The following TRARG1 variants were observed in gnomAD, a reference collection of about 807,000 sequenced individuals.
The protein encoded by TRARG1 is trafficking regulator of GLUT4 (SLC2A4) 1 (gene/pseudogene), also known as trafficking regulator of GLUT4 1.
A neutral mutation model predicts 13.3 loss-of-function variants in TRARG1; 16 were observed. The observed-to-expected ratio is 1.20, with a 90% CI of 0.81 to 1.83. TRARG1 has a LOEUF of 1.83. Among genes scored for constraint, TRARG1 ranks in the 40% most tolerant of loss-of-function variants. The pLI is 0.00. For missense variants in TRARG1, 250 were observed against 237.4 expected (o/e 1.05, Z -0.35); for synonymous variants, 113 against 106.2 (o/e 1.06, Z -0.39).
At chr17:1,289,977 T>C (rs1195143066) in intron 1 of TRARG1, among the ~76,000 whole-genome samples, 1 of 151,730 alleles carries the variant, frequency 6.6e-6, no homozygotes, top group African/African-American at 2.4e-5. Context: ...CGGAATCGTC[T>C]GAATCATGTT....
At position 1,279,920 on chromosome 17, in the gene TRARG1, G is replaced by A; in HGVS notation, c.-82G>A. 6.7e-7 allele frequency: 1 copy of A among 1,497,160 alleles called. No homozygotes were observed. The highest frequency in any genetic ancestry group is 8.9e-7 in the Non-Finnish European group (1 of 1,117,394). The allele number at this position is 1,497,160 out of a possible 1,614,324, so 92.7% of individuals were successfully genotyped here. A position where few individuals can be genotyped will look rare whatever the true frequency, so the allele number is the denominator to read the frequency against. ...CCCCCGACCTGGAGGCCCTCAGTCT[G>A]GGCTGGGGAATGGCGCGCTGAGGTC... On this transcript the variant is annotated 5_prime_UTR_variant, in exon 1 of 3. Transcript: ENST00000333813.
At chr17:1,288,636 GTT>G in intron 1 of TRARG1, among the ~76,000 whole-genome samples, 1 of 44,228 alleles carries the variant, frequency 2.3e-5, no homozygotes. Flanking sequence ...TCCCCCATGG[GTT>G]CCCCATCCCC....
At chr17:1,286,709 TGGGTGTTGTTTTCGGCCTGC>T (rs1451743429) in intron 1 of TRARG1, among the ~76,000 whole-genome samples, 4 of 124,324 alleles carry the variant, frequency 3.2e-5, no homozygotes, top group East Asian at 5.0e-4. Context: ...TGTTGGCCTG[TGGGTGTTGTTTTCGGCCTGC>T]GGGTGTTGTT....
chr17:1,295,531 G>C lies in TRARG1; in HGVS notation c.428G>C (p.Arg143Pro), dbSNP rs746411798. 6.2e-7 allele frequency: 1 copy of C among 1,612,330 alleles called. No homozygotes were observed. Among genetic ancestry groups the C allele is most frequent in the East Asian group, 2.2e-5 (1 of 44,788 alleles). The change falls in exon 2 of 3, where the codon CGG becomes CCG. Residue 143 changes from arginine (R) to proline (P), a missense_variant. Transcript: ENST00000333813. The stretch of plus-strand genomic sequence containing the variant: ...CAACAGGGCAACGTGGACGGCGCCC[G>C]GAGGCTGGGCCGCCTGGCTCGGCTG... ...SMQQGNVDGA[R>P]RLGRLARLLS...
Position 1,280,324 on chromosome 17 carries a change from C to T in TRARG1, c.323C>T (p.Ala108Val). ...GCCCCCAGAGATTACCTCATCCTGG[C>T]CGTCGTCGCCTGCTTCTGCCCCGTC... ...QEAPRDYLIL[A>V]VVACFCPVWP... Residue 108 changes from alanine (A) to valine (V), a missense_variant, in exon 1 of 3, where the codon GCC becomes GTC. Ala to Val is a moderately conservative substitution (Grantham distance 64, BLOSUM62 0). Coordinates refer to ENST00000333813, the MANE Select transcript of TRARG1 (RefSeq NM_172367.3). The T allele has an allele frequency of 6.2e-7, 1 of 1,613,482 alleles. No individual in the cohort carries two copies. The highest frequency in any genetic ancestry group is 1.1e-5 in the South Asian group (1 of 90,984).
chr17:1,290,439 A>G (rs1282626083), intron 1 of TRARG1, among the ~76,000 whole-genome samples: 3 of 152,038 alleles, frequency 2.0e-5, no homozygotes, highest in Non-Finnish European at 4.4e-5. Flanking sequence ...GAAGCTACAG[A>G]CACATGCCAC....
In TRARG1 at chr17:1,282,256, GTATATGTACA is replaced by G. The variant is rs1296541097; in HGVS notation, c.387+1875_387+1884del. Among the ~76,000 whole-genome samples the G allele has an allele frequency of 1.5e-3, 189 of 125,992 alleles. 7 individuals carry two copies. Among genetic ancestry groups the G allele is most frequent in the African/African-American group, 5.5e-3 (178 of 32,260 alleles). 82.7% of individuals were successfully genotyped at this position (125,992 alleles called of 152,430 possible). A position where few individuals can be genotyped will look rare whatever the true frequency, so the allele number is the denominator to read the frequency against. ...TGTACGTATATGCACGTATATGTAC[GTATATGTACA>G]TATATGCACGTATATGTACATATAT... On this transcript the variant is annotated intron_variant, in intron 1 of 2. Coordinates refer to ENST00000333813, the MANE Select transcript of TRARG1 (RefSeq NM_172367.3).
At chr17:1,281,432 T>C (rs2071971899) in intron 1 of TRARG1, among the ~76,000 whole-genome samples, 1 of 152,066 alleles carries the variant, frequency 6.6e-6, no homozygotes, top group Non-Finnish European at 1.5e-5. Flanking sequence ...CCCCAGGAGC[T>C]GTCCTCTGAG....
Position 1,298,623 on chromosome 17 carries a change from C to T in TRARG1, c.*359C>T, listed in dbSNP as rs370259612. 4 of 289,540 alleles carry T rather than the reference C, an allele frequency of 1.4e-5. No homozygotes were observed. The highest frequency in any genetic ancestry group is 5.9e-5 in the East Asian group (1 of 16,930). 17.9% of individuals were successfully genotyped at this position (289,540 alleles called of 1,614,324 possible). ...TGAGGAAAAAACCCAGCCCCACAAACGAGACACACGCTGGCGGGGAGAGAC... is the reference window on the plus strand; with the variant it reads ...TGAGGAAAAAACCCAGCCCCACAAATGAGACACACGCTGGCGGGGAGAGAC... On this transcript the variant is annotated 3_prime_UTR_variant, in exon 3 of 3. Transcript: ENST00000333813.
intron 1 of TRARG1, among the ~76,000 whole-genome samples, chr17:1,293,629 C>G (rs112028002): frequency 6.9e-6 from 1 of 145,964 alleles, no homozygotes; most frequent in Non-Finnish European, 1.5e-5. Context: ...TTGATGATGT[C>G]GCAGGTTGGG....
intron 1 of TRARG1, among the ~76,000 whole-genome samples, chr17:1,280,754 C>CAAGTGGG (rs967238175): frequency 3.5e-4 from 54 of 152,166 alleles, no homozygotes; most frequent in African/African-American, 1.3e-3. Context: ...GGGTCATCGC[C>CAAGTGGG]AAGTGGGGCT....
intron 1 of TRARG1, among the ~76,000 whole-genome samples, chr17:1,284,566 G>T (rs2072006960): frequency 6.6e-6 from 1 of 152,214 alleles, no homozygotes; most frequent in East Asian, 1.9e-4. Flanking sequence ...TCTAAGAGTG[G>T]GTTGTACCGA....
chr17:1,294,304 G>A (rs1201264382), intron 1 of TRARG1, among the ~76,000 whole-genome samples: 1 of 152,026 alleles, frequency 6.6e-6, no homozygotes, highest in African/African-American at 2.4e-5. Flanking sequence ...TCACCGAGGA[G>A]TGATACATAA....
chr17:1,291,260 G>C (rs1018797318), intron 1 of TRARG1, among the ~76,000 whole-genome samples: 2 of 152,058 alleles, frequency 1.3e-5, no homozygotes, highest in African/African-American at 4.8e-5. Context: ...ACAGGCACCC[G>C]CCACCGCGCC....
chr17:1,292,256 C>T (rs1261148847), intron 1 of TRARG1, among the ~76,000 whole-genome samples: 2 of 152,212 alleles, frequency 1.3e-5, no homozygotes, highest in Non-Finnish European at 2.9e-5. Context: ...CTGTGGAAGA[C>T]GCTGAGCAGC....
chr17:1,282,257 T>TATATGCAC (rs1491105088), intron 1 of TRARG1, among the ~76,000 whole-genome samples: 3 of 143,868 alleles, frequency 2.1e-5, no homozygotes, highest in Non-Finnish European at 4.5e-5. Context: ...TATATGTACG[T>TATATGCAC]ATATGTACAT....
At position 1,298,020 on chromosome 17, in the gene TRARG1, C is replaced by T. The variant is rs115466384; in HGVS notation, c.521-231C>T. On this transcript the variant is annotated intron_variant, in intron 2 of 2. Coordinates refer to ENST00000333813, the MANE Select transcript of TRARG1 (RefSeq NM_172367.3). ...TGGCTCAGCTAGGGTTGCATGCCCACCTCTGACCCAGTGCCACCTGAGCCA... is the reference window on the plus strand; with the variant it reads ...TGGCTCAGCTAGGGTTGCATGCCCATCTCTGACCCAGTGCCACCTGAGCCA... Among the ~76,000 whole-genome samples the T allele has an allele frequency of 5.3e-3, 800 of 152,288 alleles. 10 individuals are homozygous for T. Among genetic ancestry groups the T allele is most frequent in the African/African-American group, 0.018 (749 of 41,552 alleles).
intron 1 of TRARG1, among the ~76,000 whole-genome samples, chr17:1,289,347 A>G (rs953048041): frequency 0.055 from 47 of 848 alleles, 1 homozygote; most frequent in East Asian, 0.25. Flanking sequence ...ATCCCCCACG[A>G]GTTCCCCATC....
At chr17:1,286,534 T>C (rs2072024381) in intron 1 of TRARG1, among the ~76,000 whole-genome samples, 2 of 141,212 alleles carry the variant, frequency 1.4e-5, no homozygotes, top group South Asian at 4.6e-4. Context: ...TGGGGTGTTG[T>C]TGGCCTGTGG....
Sources: allele counts gnomAD v4.1 joint callset (sites outside exome capture counted in the v4.1 genomes callset), GRCh38; gene constraint gnomAD v4.1.1; transcripts MANE v1.5; gene names NCBI Gene and HGNC (gene_info 2026-07-23, HGNC 2026-07-21).